Variants in KLHL13 observed in about 807,000 individuals in gnomAD.
KLHL13 encodes kelch like family member 13.
A neutral mutation model predicts 37.1 loss-of-function variants in KLHL13; 10 were observed. The ratio of observed to expected loss-of-function variants is 0.27; its 90% CI spans 0.17 to 0.46. The LOEUF is 0.46. KLHL13 is among the 20% of genes least tolerant of loss of function. The probability of loss-of-function intolerance (pLI) is 1.00; values close to 1 mark genes in which losing one functional copy is unlikely to be tolerated. For synonymous variants in KLHL13, 163 were observed against 181.2 expected (o/e 0.90, Z 0.81); for missense variants, 360 against 509.3 (o/e 0.71, Z 2.82).
In KLHL13 at chrX:117,923,944, T is replaced by G. The variant is rs6645996; in HGVS notation, c.241-3574A>C. 7.1e-3 allele frequency among the ~76,000 whole-genome samples: 796 copies of G among 112,241 alleles called. 6 individuals carry two copies. The highest frequency in any genetic ancestry group is 0.023 in the African/African-American group (700 of 30,974). ...GGCACCTAGAGCATTTTTAACAAAT[T>G]CGGAGTGTCTTTTATTCCACGCTTA... On this transcript the variant is annotated intron_variant, in intron 2 of 6. Transcript: ENST00000262820.
chrX:118,039,798 T>C (rs973265872), intron 1 of KLHL13, among the ~76,000 whole-genome samples: 1 of 111,264 alleles, frequency 9.0e-6, no homozygotes, highest in African/African-American at 3.3e-5. Context: ...AGGGCTGTGC[T>C]AGCATCAGGT....
intron 1 of KLHL13, among the ~76,000 whole-genome samples, chrX:117,997,083 T>C: frequency 9.1e-6 from 1 of 109,901 alleles, no homozygotes; most frequent in South Asian, 3.7e-4. Context: ...CATACTCACT[T>C]GCACTTTGCA....
chrX:118,051,800 G>A (rs1055886800), intron 1 of KLHL13, among the ~76,000 whole-genome samples: 6 of 110,975 alleles, frequency 5.4e-5, no homozygotes, highest in African/African-American at 9.8e-5. Flanking sequence ...CATTTTGTAC[G>A]TTGAATCTGT....
At chrX:118,015,888 C>A (rs2054123096) in intron 1 of KLHL13, among the ~76,000 whole-genome samples, 1 of 111,160 alleles carries the variant, frequency 9.0e-6, no homozygotes, top group South Asian at 3.8e-4. Flanking sequence ...TTGGCTAGAT[C>A]TTCTAGCCAA....
upstream of KLHL13, among the ~76,000 whole-genome samples, chrX:117,978,315 T>A (rs779201479): frequency 3.6e-5 from 4 of 112,035 alleles, no homozygotes; most frequent in South Asian, 1.5e-3. Context: ...ATAAGCAATG[T>A]GAAGGGCAGT....
At chrX:118,032,788 A>G (rs1003705571) in intron 1 of KLHL13, among the ~76,000 whole-genome samples, 3 of 111,840 alleles carry the variant, frequency 2.7e-5, no homozygotes, top group Non-Finnish European at 5.6e-5. Flanking sequence ...CGGTCAAATT[A>G]CTCCGAGCTA....
At position 118,053,839 on chromosome X, in the gene KLHL13, GA is replaced by G. The variant is rs1376513594; in HGVS notation, c.-56+62668del. Among the ~76,000 whole-genome samples, 141 of 37,095 alleles carry G rather than the reference GA, an allele frequency of 3.8e-3. 2 individuals are homozygous for G. The highest frequency in any genetic ancestry group is 5.3e-3 in the Non-Finnish European group (122 of 23,046). The allele number at this position is 37,095 out of a possible 115,157, so 32.2% of individuals were successfully genotyped here. On this transcript the variant is annotated intron_variant, in intron 1 of 6. Coordinates refer to the KLHL13 transcript ENST00000371882. ...AGAGAGGAGAGGAGAGAGAGAGAGA[GA>G]GAGAGAGAGGAGAGAGAGAGAGAGA...
intron 5 of KLHL13, among the ~76,000 whole-genome samples, chrX:117,903,168 AGAGAGGAGAGC>A (rs1175841988): frequency 1.0e-5 from 1 of 99,313 alleles, no homozygotes; most frequent in Non-Finnish European, 2.0e-5. Flanking sequence ...AGAGAGAGAG[AGAGAGGAGAGC>A]GAGAGAGAGA....
At chrX:118,104,658 GA>G (rs994187779) in intron 1 of KLHL13, among the ~76,000 whole-genome samples, 13 of 111,933 alleles carry the variant, frequency 1.2e-4, no homozygotes, top group South Asian at 3.7e-4. Flanking sequence ...CTAGACTGCA[GA>G]AAAACAGCAT....
intron 2 of KLHL13, among the ~76,000 whole-genome samples, chrX:117,936,222 A>G (rs1263333820): frequency 8.9e-6 from 1 of 111,917 alleles, no homozygotes; most frequent in Non-Finnish European, 1.9e-5. Flanking sequence ...TCACTACTTA[A>G]GCTAACCTTA....
intron 1 of KLHL13, among the ~76,000 whole-genome samples, chrX:118,022,982 TTG>T (rs1031951196): frequency 8.9e-6 from 1 of 112,102 alleles, no homozygotes; most frequent in Non-Finnish European, 1.9e-5. Flanking sequence ...CTCTGATCCC[TTG>T]TGTTTACTTT....
intron 1 of KLHL13, among the ~76,000 whole-genome samples, chrX:118,032,538 T>A (rs2054369232): frequency 9.0e-6 from 1 of 111,697 alleles, no homozygotes; most frequent in Admixed American, 9.5e-5. Context: ...GTCCTGTCTG[T>A]TAGAAGGAAA....
At chrX:117,904,988 T>TAATTCCATAGGAATCCAGAA (rs1285654337) in intron 5 of KLHL13, among the ~76,000 whole-genome samples, 14 of 111,280 alleles carry the variant, frequency 1.3e-4, no homozygotes, top group African/African-American at 4.6e-4. Context: ...CCAGAATCGG[T>TAATTCCATAGGAATCCAGAA]CCCAGAAGAG....
chrX:117,945,557 T>C (rs371856750), exon 2 of KLHL13: 46 of 1,202,080 alleles, frequency 3.8e-5, no homozygotes, highest in Non-Finnish European at 4.9e-5. Flanking sequence ...TGTGTTGGTC[T>C]TCCTCTTCCA....
upstream of KLHL13, among the ~76,000 whole-genome samples, chrX:117,976,050 A>G (rs1161801805): frequency 9.0e-6 from 1 of 111,554 alleles, no homozygotes; most frequent in Non-Finnish European, 1.9e-5. Context: ...GATTCCTTGC[A>G]GACTTAATAT....
At chrX:118,067,996 T>C (rs1442721813) in intron 1 of KLHL13, among the ~76,000 whole-genome samples, 1 of 111,726 alleles carries the variant, frequency 9.0e-6, no homozygotes, top group African/African-American at 3.3e-5. Context: ...AGCAGCACAG[T>C]GGGGTCGTTT....
At chrX:117,989,805 T>C (rs2053768209) in intron 1 of KLHL13, among the ~76,000 whole-genome samples, 1 of 111,625 alleles carries the variant, frequency 9.0e-6, no homozygotes, top group South Asian at 3.7e-4. Flanking sequence ...CAGTGAAACT[T>C]TCCCTCACAT....
intron 1 of KLHL13, among the ~76,000 whole-genome samples, chrX:118,064,581 TATC>T (rs2054776800): frequency 8.9e-6 from 1 of 112,198 alleles, no homozygotes; most frequent in Non-Finnish European, 1.9e-5. Context: ...GAGAAATGAT[TATC>T]ATATGTTTGA....
At chrX:117,964,189 T>C (rs1282180804) in intron 1 of KLHL13, among the ~76,000 whole-genome samples, 1 of 101,835 alleles carries the variant, frequency 9.8e-6, no homozygotes, top group Non-Finnish European at 1.9e-5. Flanking sequence ...ACTTAGAGTA[T>C]AATAAAAAAA....
Sources: allele counts gnomAD v4.1 joint callset (sites outside exome capture counted in the v4.1 genomes callset), GRCh38; gene constraint gnomAD v4.1.1; transcripts MANE v1.5; gene names NCBI Gene and HGNC (gene_info 2026-07-23, HGNC 2026-07-21).